The following RAB3C variants were observed in gnomAD, a reference collection of about 807,000 sequenced individuals.
RAB3C encodes the protein RAB3C, member RAS oncogene family, also known as ras-related protein Rab-3C.
RAB3C carries 17 observed loss-of-function variants against 26.4 expected under a neutral mutation model. The ratio of observed to expected loss-of-function variants is 0.64; its 90% CI spans 0.44 to 0.97. The LOEUF is 0.97. RAB3C is among the 50% of genes least tolerant of loss of function. The pLI is 0.00. For missense variants in RAB3C, 242 were observed against 281.9 expected (o/e 0.86, Z 1.01); for synonymous variants, 91 against 95.9 (o/e 0.95, Z 0.30).
chr5:58,698,965 G>A (rs115892902), intron 2 of RAB3C, among the ~76,000 whole-genome samples: 4,608 of 152,126 alleles, frequency 0.03, 232 homozygotes, highest in African/African-American at 0.1. Flanking sequence ...GCTTTATTCC[G>A]TTGCTCACAA....
intron 2 of RAB3C, among the ~76,000 whole-genome samples, chr5:58,671,472 T>C (rs1422220402): frequency 6.6e-6 from 1 of 152,208 alleles, no homozygotes; most frequent in East Asian, 1.9e-4. Flanking sequence ...TCAACTTGCG[T>C]ATTTTCCAGT....
Position 58,655,071 on chromosome 5 carries a change from A to G in RAB3C, c.252+37201A>G, listed in dbSNP as rs188852369. 2.8e-4 allele frequency among the ~76,000 whole-genome samples: 43 copies of G among 152,364 alleles called. 2 individuals are homozygous for G. The East Asian group carries it at 6.9e-3, about 25-fold the overall frequency. ...ATAAAGCAGGATACAAGGGACAAAG[A>G]CAGACCTATATGATCAGGGTTGCTA... On this transcript the variant is annotated intron_variant, in intron 2 of 4. Transcript: ENST00000282878.
chr5:58,748,446 CAA>C (rs1208123816), intron 3 of RAB3C, among the ~76,000 whole-genome samples: 1 of 152,064 alleles, frequency 6.6e-6, no homozygotes, highest in Non-Finnish European at 1.5e-5. Flanking sequence ...GTAATTATCT[CAA>C]AAAGTCTGAG....
At chr5:58,582,430 G>A (rs1413571112), upstream of RAB3C, 7 of 985,240 alleles carry the variant, frequency 7.1e-6, no homozygotes, top group Non-Finnish European at 8.4e-6. Context: ...CAGGCGAAAG[G>A]AGTTCCTTGG....
intron 1 of RAB3C, among the ~76,000 whole-genome samples, chr5:58,601,952 T>C (rs1746466744): frequency 6.6e-6 from 1 of 152,134 alleles, no homozygotes; most frequent in East Asian, 1.9e-4. Context: ...GACTGTCTGT[T>C]TGTGCTCTTC....
chr5:58,811,818 C>T lies in RAB3C; in HGVS notation c.372-13220C>T, dbSNP rs112239905. Among the ~76,000 whole-genome samples, 458 of 152,104 alleles carry T rather than the reference C, an allele frequency of 3.0e-3. 3 individuals carry two copies. The highest frequency in any genetic ancestry group is 4.9e-3 in the Non-Finnish European group (333 of 67,998). ...CCTCCCTCCACTGCACCACAGGTTC[C>T]CACTGCCATTACCGAGCATGGTGCC... On this transcript the variant is annotated intron_variant, in intron 3 of 4. Coordinates refer to ENST00000282878, the MANE Select transcript of RAB3C (RefSeq NM_138453.4).
chr5:58,725,982 A>ATT lies in RAB3C; in HGVS notation c.253-11_253-10dup. On this transcript the variant is annotated intron_variant, in intron 2 of 4. Transcript: ENST00000282878. ...ATTGCCTTATTTCTGAGAGATTATC[A>ATT]TTTTTTTTTTATTCTTTAGGACACA... 24 of 1,256,920 alleles carry ATT rather than the reference A, an allele frequency of 1.9e-5. No individual in the cohort carries two copies. Among genetic ancestry groups the ATT allele is most frequent in the South Asian group, 1.0e-4 (7 of 68,796 alleles). The allele number at this position is 1,256,920 out of a possible 1,614,324, so 77.9% of individuals were successfully genotyped here. A position where few individuals can be genotyped will look rare whatever the true frequency, so the allele number is the denominator to read the frequency against.
chr5:58,834,358 A>T (rs1743686973), intron 4 of RAB3C, among the ~76,000 whole-genome samples: 1 of 152,194 alleles, frequency 6.6e-6, no homozygotes, highest in Non-Finnish European at 1.5e-5. Context: ...ATGAAGGATG[A>T]TGGTTTTTTC....
intron 4 of RAB3C, among the ~76,000 whole-genome samples, chr5:58,830,918 G>A (rs1743599923): frequency 6.6e-6 from 1 of 151,932 alleles, no homozygotes; most frequent in African/African-American, 2.4e-5. Context: ...TGTTGCCCAG[G>A]CTGGAGTGCA....
At position 58,665,355 on chromosome 5, in the gene RAB3C, G is replaced by A. The variant is rs914380856; in HGVS notation, c.252+47485G>A. 1.1e-4 allele frequency among the ~76,000 whole-genome samples: 17 copies of A among 152,160 alleles called. 1 individual carries two copies. The highest frequency in any genetic ancestry group is 2.1e-4 in the Non-Finnish European group (14 of 68,016). On this transcript the variant is annotated intron_variant, in intron 2 of 4. Coordinates refer to ENST00000282878, the MANE Select transcript of RAB3C (RefSeq NM_138453.4). Reference sequence around the variant, plus strand: ...CCATTAGTGTTTTTGCAGAAAATGTGAGTGTGTGACCTAAGAAAAATGTTT... The same window carrying A: ...CCATTAGTGTTTTTGCAGAAAATGTAAGTGTGTGACCTAAGAAAAATGTTT...
intron 1 of RAB3C, among the ~76,000 whole-genome samples, chr5:58,596,277 G>A: frequency 6.6e-6 from 1 of 151,732 alleles, no homozygotes; most frequent in Non-Finnish European, 1.5e-5. Flanking sequence ...TTCTTGTGAG[G>A]TTTTTCAGCA....
At chr5:58,657,024 T>C (rs573533664) in intron 2 of RAB3C, among the ~76,000 whole-genome samples, 3 of 152,234 alleles carry the variant, frequency 2.0e-5, no homozygotes, top group African/African-American at 4.8e-5. Flanking sequence ...GAAACTGTGG[T>C]ATATTTATAA....
chr5:58,837,574 T>TTA (rs1395040559), intron 4 of RAB3C, among the ~76,000 whole-genome samples: 3 of 144,828 alleles, frequency 2.1e-5, no homozygotes, highest in Non-Finnish European at 4.6e-5. Flanking sequence ...TTTTTTTTTT[T>TTA]TTGAAACAAG....
intron 3 of RAB3C, among the ~76,000 whole-genome samples, chr5:58,770,875 A>G (rs1211399132): frequency 1.3e-5 from 2 of 152,166 alleles, no homozygotes; most frequent in East Asian, 3.9e-4. Flanking sequence ...ATTCTGAAAC[A>G]CACACTCATA....
At chr5:58,629,385 C>G (rs1429330436) in intron 2 of RAB3C, among the ~76,000 whole-genome samples, 2 of 152,270 alleles carry the variant, frequency 1.3e-5, no homozygotes, top group East Asian at 3.9e-4. Flanking sequence ...CCTGGTGCAG[C>G]TTAAAGCACC....
chr5:58,646,077 G>A (rs375374333), intron 2 of RAB3C, among the ~76,000 whole-genome samples: 22 of 152,302 alleles, frequency 1.4e-4, no homozygotes, highest in South Asian at 6.2e-4. Flanking sequence ...CAAAAGGAGC[G>A]AAGTCGAATG....
chr5:58,763,139 A>G (rs1741831942), intron 3 of RAB3C, among the ~76,000 whole-genome samples: 1 of 152,250 alleles, frequency 6.6e-6, no homozygotes, highest in Admixed American at 6.5e-5. Flanking sequence ...AATGAATTAC[A>G]AAATAGCTCA....
chr5:58,785,756 AATCAGCTGACTTCAAAATAG>A (rs1455362463), intron 3 of RAB3C, among the ~76,000 whole-genome samples: 1 of 152,246 alleles, frequency 6.6e-6, no homozygotes, highest in African/African-American at 2.4e-5. Flanking sequence ...TACAGTTGCT[AATCAGCTGACTTCAAAATAG>A]ATCAACTGAC....
At chr5:58,633,386 A>G (rs537789154) in intron 2 of RAB3C, among the ~76,000 whole-genome samples, 6 of 152,310 alleles carry the variant, frequency 3.9e-5, no homozygotes, top group African/African-American at 1.2e-4. Context: ...ATAGGAAGGA[A>G]AGTAGAGGGG....
Sources: allele counts gnomAD v4.1 joint callset (sites outside exome capture counted in the v4.1 genomes callset), GRCh38; gene constraint gnomAD v4.1.1; transcripts MANE v1.5; gene names NCBI Gene and HGNC (gene_info 2026-07-23, HGNC 2026-07-21).